GTF2F1: variants seen among roughly 807,000 people sequenced by gnomAD.
GTF2F1 encodes the protein general transcription factor IIF 74 kDa subunit.
In GTF2F1, 39 loss-of-function variants were observed where a neutral mutation model predicts 63.5. That is an observed-to-expected ratio of 0.61 (90% confidence interval 0.48 to 0.80). The LOEUF (loss-of-function observed/expected upper bound fraction) is 0.80. GTF2F1 is among the 30% of genes least tolerant of loss of function. The probability of loss-of-function intolerance (pLI) is 0.00; values close to 1 mark genes in which losing one functional copy is unlikely to be tolerated. For synonymous variants in GTF2F1, 287 were observed against 285.3 expected, an observed-to-expected ratio of 1.01 and a Z score of -0.06; for missense variants, 657 against 718.3, an observed-to-expected ratio of 0.91 and a Z score of 0.97.
In GTF2F1 at chr19:6,381,533, G is replaced by GC. The variant is rs376177994; in HGVS notation, c.898+20dup. On this transcript the variant is annotated intron_variant, in intron 8 of 12. Transcript: ENST00000394456. The surrounding 1 kb of genome is among the most constrained non-coding windows in gnomAD (Gnocchi z 4.1). ...GGGAAGCACCGCCCCCATCTCCCCGGCCCGCCCAGCCATCGCCTACCCTTG... is the reference window on the plus strand; with the variant it reads ...GGGAAGCACCGCCCCCATCTCCCCGGCCCCGCCCAGCCATCGCCTACCCTTG... The GC allele has an allele frequency of 4.3e-6, 7 of 1,611,326 alleles. 1 individual carries two copies. The South Asian group carries it at 6.6e-5, about 15-fold the overall frequency.
In GTF2F1 at chr19:6,393,090, G is replaced by A; in HGVS notation, c.-95C>T. On this transcript the variant is annotated 5_prime_UTR_variant, in exon 1 of 13. Coordinates refer to ENST00000394456, the MANE Select transcript of GTF2F1 (RefSeq NM_002096.3). ...TCGATCCCGGGGAAGCCGCCGCTCG[G>A]TGTCGGGTCTCTGTGCCTGAGCGAG... 1.3e-6 allele frequency: 2 copies of A among 1,533,942 alleles called. No homozygotes were observed. The highest frequency in any genetic ancestry group is 9.0e-7 in the Non-Finnish European group (1 of 1,110,988).
chr19:6,383,231 G>A lies in GTF2F1; in HGVS notation c.682+80C>T, dbSNP rs1322881666. The A allele has an allele frequency of 3.5e-6, 5 of 1,443,024 alleles. No homozygotes were observed. Among genetic ancestry groups the A allele is most frequent in the Non-Finnish European group, 4.8e-6 (5 of 1,043,106 alleles). 89.4% of individuals were successfully genotyped at this position (1,443,024 alleles called of 1,614,324 possible). ...TTGCCTCTCATTCTAGGGCCACTGT[G>A]AGCGATGGTAGACTTTGCCTTCACT... On this transcript the variant is annotated intron_variant, in intron 6 of 12. Transcript: ENST00000394456. The surrounding 1 kb of genome is among the most constrained non-coding windows in gnomAD (Gnocchi z 4.5).
chr19:6,387,237 C>T, intron 5 of GTF2F1, 152 bp downstream of exon 5: 1 of 676,618 alleles, frequency 1.5e-6, no homozygotes, highest in Non-Finnish European at 2.5e-6. Context: ...CTATCTGTTT[C>T]CTCCTGAACT....
At chr19:6,382,370 G>A (rs1294137115) in intron 6 of GTF2F1, among the ~76,000 whole-genome samples, 2 of 152,132 alleles carry the variant, frequency 1.3e-5, no homozygotes, top group East Asian at 1.9e-4. Flanking sequence ...GGTGGCTCAC[G>A]CCTGTAATCC....
At chr19:6,392,067 A>C in intron 2 of GTF2F1, 93 bp from the exon 3 acceptor site, 5 of 705,124 alleles carry the variant, frequency 7.1e-6, no homozygotes, top group South Asian at 4.8e-5. Flanking sequence ...AATTCAATCA[A>C]CCACCCAACT....
chr19:6,390,054 A>G (rs1485855384), intron 3 of GTF2F1, among the ~76,000 whole-genome samples: 1 of 152,198 alleles, frequency 6.6e-6, no homozygotes, highest in Non-Finnish European at 1.5e-5. Context: ...TCCAGAATGC[A>G]TGCATATCGA....
At chr19:6,382,215 G>C (rs1021743432) in intron 6 of GTF2F1, among the ~76,000 whole-genome samples, 4 of 152,220 alleles carry the variant, frequency 2.6e-5, no homozygotes, top group African/African-American at 9.6e-5. Flanking sequence ...GCCAGGCCAG[G>C]TGCAGTGGCT....
chr19:6,382,136 G>A (rs900473518), intron 6 of GTF2F1, among the ~76,000 whole-genome samples: 2 of 152,106 alleles, frequency 1.3e-5, no homozygotes, highest in Non-Finnish European at 1.5e-5. Context: ...AGCCCGGAGC[G>A]CACAGGAGTT....
chr19:6,380,576 C>T lies in GTF2F1; in HGVS notation c.1346G>A (p.Ser449Asn). The T allele has an allele frequency of 6.2e-7, 1 of 1,613,892 alleles. No homozygotes were observed. The highest frequency in any genetic ancestry group is 8.5e-7 in the Non-Finnish European group (1 of 1,179,854). ...QPPSGKTTPN[S>N]GDVQVTEDAV... ...CCTGCTGTCCTCGTCAACTTACCCG[C>T]TGTTGGGTGTTGTCTTGCCTGATGG... Residue 449 changes from serine (S) to asparagine (N), a missense_variant, in exon 12 of 13, where the codon AGC becomes AAC. Transcript: ENST00000394456. The surrounding 1 kb of genome is among the most constrained non-coding windows in gnomAD (Gnocchi z 5.3).
At position 6,389,445 on chromosome 19, in the gene GTF2F1, TC is replaced by T; in HGVS notation, c.324del (p.Lys109SerfsTer10). The T allele has an allele frequency of 6.2e-7, 1 of 1,613,448 alleles. No homozygotes were observed. Among genetic ancestry groups the T allele is most frequent in the Non-Finnish European group, 8.5e-7 (1 of 1,179,508 alleles). On this transcript the variant is annotated frameshift_variant and splice_region_variant, in exon 4 of 13. Transcript: ENST00000394456. LOFTEE classifies it high-confidence loss of function. Reference sequence around the variant, plus strand: ...CACCGCCACCGCCCCACCACTTACTTCCTGCCTGATTTGCCGTTGACCCGGA... The same window carrying T: ...CACCGCCACCGCCCCACCACTTACTTCTGCCTGATTTGCCGTTGACCCGGA... ...WLLRVNGKSG[R>X]KFKGIKKGGV...
At chr19:6,392,480 T>C (rs1378619480) in intron 2 of GTF2F1, 7 of 522,880 alleles carry the variant, frequency 1.3e-5, no homozygotes, top group African/African-American at 1.1e-4. Flanking sequence ...AGTCACAGTT[T>C]AGGGGTTGAG....
chr19:6,388,969 C>T (rs1475629185), intron 4 of GTF2F1, among the ~76,000 whole-genome samples: 2 of 151,402 alleles, frequency 1.3e-5, no homozygotes, highest in African/African-American at 2.4e-5. Flanking sequence ...AGGCTGGGCA[C>T]GGTGGCTCAC....
chr19:6,387,462 TG>T lies in GTF2F1; in HGVS notation c.423del (p.His141GlnfsTer31), dbSNP rs1475773237. 1.2e-6 allele frequency: 2 copies of T among 1,614,224 alleles called. No individual in the cohort carries two copies. The highest frequency in any genetic ancestry group is 1.7e-6 in the Non-Finnish European group (2 of 1,180,020). The stretch of plus-strand genomic sequence containing the variant: ...GCCAGCGGTGTGAAATTGTACCAGT[TG>T]TGCACGGGGAAGGCCTCGAAGGCCC... ...PDGAFEAFPV[H>X]NWYNFTPLAR... On this transcript the variant is annotated frameshift_variant, in exon 5 of 13. Coordinates refer to ENST00000394456, the MANE Select transcript of GTF2F1 (RefSeq NM_002096.3). LOFTEE classifies it high-confidence loss of function.
chr19:6,385,418 AAAAAG>A (rs1232565798), intron 5 of GTF2F1, among the ~76,000 whole-genome samples: 1 of 151,552 alleles, frequency 6.6e-6, no homozygotes, highest in Non-Finnish European at 1.5e-5. Context: ...AAAAAAAAAA[AAAAAG>A]AGATGGCATT....
chr19:6,380,090 G>A lies in GTF2F1; in HGVS notation c.*191C>T. ...GAAGGAAGGGCCAGAGGAGGAGATG[G>A]CTTAACTTTTCCAGAATTGCTAACT... On this transcript the variant is annotated 3_prime_UTR_variant, in exon 13 of 13. Coordinates refer to ENST00000394456, the MANE Select transcript of GTF2F1 (RefSeq NM_002096.3). This position sits in a 1 kb window ranked among gnomAD's most constrained non-coding sequence, Gnocchi z 5.3. 1 of 631,048 alleles carries A rather than the reference G, an allele frequency of 1.6e-6. No homozygotes were observed. The allele number at this position is 631,048 out of a possible 1,614,324, so 39.1% of individuals were successfully genotyped here. A position where few individuals can be genotyped will look rare whatever the true frequency, so the allele number is the denominator to read the frequency against.
At position 6,381,860 on chromosome 19, in the gene GTF2F1, GAGGAAAGGA is replaced by G. The variant is rs1568329376; in HGVS notation, c.683-19_683-11del. The G allele has an allele frequency of 3.1e-6, 5 of 1,607,502 alleles. No homozygotes were observed. Among genetic ancestry groups the G allele is most frequent in the South Asian group, 1.1e-5 (1 of 90,894 alleles). On this transcript the variant is annotated splice_polypyrimidine_tract_variant and intron_variant, in intron 6 of 12. Coordinates refer to ENST00000394456, the MANE Select transcript of GTF2F1 (RefSeq NM_002096.3). The surrounding 1 kb of genome is among the most constrained non-coding windows in gnomAD (Gnocchi z 4.1). ...TTGGGGACTCTGCCCCCTGGGAAGG[GAGGAAAGGA>G]AGGAAAGGAGGGAAAGTGAGGAGGA...
In GTF2F1 at chr19:6,381,603, T is replaced by C. The variant is rs760925148; in HGVS notation, c.849A>G (p.Glu283=). 1 of 1,613,938 alleles carries C rather than the reference T, an allele frequency of 6.2e-7. No individual in the cohort carries two copies. The highest frequency in any genetic ancestry group is 1.1e-5 in the South Asian group (1 of 91,092). Residue 283 remains glutamate (E), a synonymous_variant, in exon 8 of 13, where the codon GAA becomes GAG. Transcript: ENST00000394456. The surrounding 1 kb of genome is among the most constrained non-coding windows in gnomAD (Gnocchi z 4.1). The stretch of plus-strand genomic sequence containing the variant: ...GCGCCTTGGCCTTGCTCTCAGGCTC[T>C]TCTTGGGAGCTACTGTAAGACGGGG... The part of the protein sequence containing the change: ...YMSDGSSSSQ[E]EPESKAKAPQ...
At position 6,380,850 on chromosome 19, in the gene GTF2F1, G is replaced by A; in HGVS notation, c.1231+54C>T. 1.3e-6 allele frequency: 2 copies of A among 1,519,176 alleles called. No individual in the cohort carries two copies. Among genetic ancestry groups the A allele is most frequent in the Non-Finnish European group, 8.8e-7 (1 of 1,136,202 alleles). 94.1% of individuals were successfully genotyped at this position (1,519,176 alleles called of 1,614,324 possible). ...CCTCTCTGTCCTGAGCCCCAACAGA[G>A]GTCAGGAGGCTGTGGCTGTGGCTGT... is the stretch of plus-strand genomic sequence containing the variant. On this transcript the variant is annotated intron_variant, in intron 11 of 12. Transcript: ENST00000394456. The surrounding 1 kb of genome is among the most constrained non-coding windows in gnomAD (Gnocchi z 5.3).
intron 2 of GTF2F1, chr19:6,392,236 C>T (rs944266169): frequency 3.8e-6 from 2 of 533,002 alleles, no homozygotes; most frequent in Non-Finnish European, 7.2e-6. Flanking sequence ...CCTGGCAACA[C>T]TGGATACGGA....
Sources: gnomAD v4.1 joint callset for allele counts (sites outside exome capture counted in the v4.1 genomes callset) on GRCh38, gnomAD v4.1.1 for gene constraint, Gnocchi (gnomAD v3.1) non-coding constraint, MANE v1.5 for transcripts, NCBI Gene and HGNC (gene_info 2026-07-23, HGNC 2026-07-21) for gene names.